CELF2: variants seen among roughly 807,000 people sequenced by gnomAD.
CELF2 encodes CUG triplet repeat RNA-binding protein 2.
In CELF2, 8 loss-of-function variants were observed where a neutral mutation model predicts 62.6. The observed-to-expected ratio is 0.13, with a 90% CI of 0.07 to 0.23. The LOEUF is 0.23. Among genes scored for constraint, CELF2 ranks in the 10% least tolerant of loss-of-function variants. CELF2 has a pLI of 1.00. For synonymous variants in CELF2, 258 were observed against 250.0 expected (o/e 1.03, Z -0.30); for missense variants, 333 against 671.0 (o/e 0.50, Z 5.56).
the CELF2 span, among the ~76,000 whole-genome samples, chr10:10,680,379 C>T: frequency 6.6e-6 from 1 of 152,128 alleles, no homozygotes; most frequent in African/African-American, 2.4e-5. Flanking sequence ...TGAAAGGATG[C>T]AGATTAAAAT....
the CELF2 span, among the ~76,000 whole-genome samples, chr10:10,761,367 T>A: frequency 2.3e-3 from 352 of 152,296 alleles, 1 homozygote; most frequent in Admixed American, 3.1e-3. Flanking sequence ...TTGAGGGACC[T>A]GTGAGAAATC....
intron 1 of CELF2, among the ~76,000 whole-genome samples, chr10:10,869,578 T>C (rs1422641248): frequency 3.5e-5 from 5 of 144,462 alleles, no homozygotes; most frequent in Non-Finnish European, 7.6e-5. Flanking sequence ...GAAAAAAAAA[T>C]GGAAACAACA....
chr10:10,718,413 C>A, the CELF2 span, among the ~76,000 whole-genome samples: 2 of 152,088 alleles, frequency 1.3e-5, no homozygotes, highest in South Asian at 4.2e-4. Context: ...CACCTGAGGT[C>A]GGGAGTTCGA....
chr10:10,974,015 T>A (rs922851255), intron 2 of CELF2, among the ~76,000 whole-genome samples: 11 of 152,206 alleles, frequency 7.2e-5, no homozygotes, highest in African/African-American at 2.7e-4. Context: ...GAAGCATAGA[T>A]AAATGGAACA....
intron 1 of CELF2, among the ~76,000 whole-genome samples, chr10:10,808,136 G>A: frequency 6.6e-6 from 1 of 152,142 alleles, no homozygotes. Flanking sequence ...AAATGTGGTA[G>A]TTTCTGTGAC....
At chr10:10,911,149 G>A (rs2063776177) in intron 1 of CELF2, among the ~76,000 whole-genome samples, 1 of 152,136 alleles carries the variant, frequency 6.6e-6, no homozygotes, top group Non-Finnish European at 1.5e-5. Context: ...GCAAACATAA[G>A]CCCTTCCCAC....
the CELF2 span, among the ~76,000 whole-genome samples, chr10:10,662,781 A>G: frequency 6.6e-6 from 1 of 152,358 alleles, no homozygotes; most frequent in Admixed American, 6.5e-5. Flanking sequence ...CTTTTGACAT[A>G]GTAGCTTTGC....
At chr10:11,264,531 C>A (rs2248468) in intron 5 of CELF2, among the ~76,000 whole-genome samples, 16,241 of 152,262 alleles carry the variant, frequency 0.11, 1,630 homozygotes, top group African/African-American at 0.26. Context: ...CTTTTCCTCC[C>A]TTGTAGTTTC....
At chr10:10,784,848 T>A in the CELF2 span, among the ~76,000 whole-genome samples, 1 of 152,160 alleles carries the variant, frequency 6.6e-6, no homozygotes, top group Non-Finnish European at 1.5e-5. Flanking sequence ...TATGTCCCTG[T>A]CTCCTGTCCA....
At chr10:11,236,498 G>C (rs1413954012) in intron 3 of CELF2, among the ~76,000 whole-genome samples, 1 of 152,164 alleles carries the variant, frequency 6.6e-6, no homozygotes, top group African/African-American at 2.4e-5. Context: ...TCAAGTCACT[G>C]TTTAACTTGA....
chr10:11,130,201 C>T (rs2059406245), intron 1 of CELF2, among the ~76,000 whole-genome samples: 1 of 152,186 alleles, frequency 6.6e-6, no homozygotes, highest in Non-Finnish European at 1.5e-5. Flanking sequence ...GTTTCTTAAT[C>T]CTGAGCTCTA....
At chr10:10,796,126 G>A (rs555881575), upstream of CELF2, among the ~76,000 whole-genome samples, 2 of 152,218 alleles carry the variant, frequency 1.3e-5, no homozygotes, top group Non-Finnish European at 2.9e-5. Context: ...GCTGTGTGGC[G>A]GTTACTCGCC....
At position 10,981,934 on chromosome 10, in the gene CELF2, C is replaced by T. The variant is rs575464494; in HGVS notation, c.89+61935C>T. The stretch of plus-strand genomic sequence containing the variant: ...CTTGTAACTGCCTGGTAGACCCTCT[C>T]CTCGACTTCCTTTTCCTTTTTTTTT... On this transcript the variant is annotated intron_variant, in intron 2 of 13. Coordinates refer to the CELF2 transcript ENST00000636488. Among the ~76,000 whole-genome samples, 12 of 151,654 alleles carry T rather than the reference C, an allele frequency of 7.9e-5. No individual in the cohort carries two copies. The South Asian group carries it at 1.0e-3, about 13-fold the overall frequency.
chr10:10,663,049 G>A, the CELF2 span, among the ~76,000 whole-genome samples: 1 of 152,192 alleles, frequency 6.6e-6, no homozygotes, highest in Non-Finnish European at 1.5e-5. Context: ...AGCTGTTATT[G>A]CAAACTCATC....
chr10:11,001,556 A>T (rs2054518218), upstream of CELF2, among the ~76,000 whole-genome samples: 1 of 152,206 alleles, frequency 6.6e-6, no homozygotes, highest in South Asian at 2.1e-4. Context: ...CTATAATTTC[A>T]CCTTTTAAAT....
the CELF2 span, among the ~76,000 whole-genome samples, chr10:10,530,157 A>G: frequency 1.3e-5 from 2 of 152,338 alleles, 1 homozygote; most frequent in South Asian, 4.1e-4. Flanking sequence ...AAGGAAGGTT[A>G]TTAAGCAAGT....
At chr10:10,561,712 C>T in the CELF2 span, among the ~76,000 whole-genome samples, 1 of 152,146 alleles carries the variant, frequency 6.6e-6, no homozygotes, top group Non-Finnish European at 1.5e-5. Context: ...AGGTGGGAGC[C>T]ACTGTGCCCA....
At chr10:10,602,161 C>T in the CELF2 span, among the ~76,000 whole-genome samples, 1 of 152,116 alleles carries the variant, frequency 6.6e-6, no homozygotes, top group East Asian at 1.9e-4. Flanking sequence ...TGGGTTGATT[C>T]CATGTCTTTG....
the CELF2 span, among the ~76,000 whole-genome samples, chr10:10,606,511 C>T: frequency 2.0e-5 from 3 of 152,112 alleles, no homozygotes; most frequent in African/African-American, 7.2e-5. Flanking sequence ...GAGAGGCAGG[C>T]ACCACTGCCA....
Sources: allele counts gnomAD v4.1 joint callset (sites outside exome capture counted in the v4.1 genomes callset), GRCh38; gene constraint gnomAD v4.1.1; transcripts MANE v1.5; gene names NCBI Gene and HGNC (gene_info 2026-07-23, HGNC 2026-07-21).